FGD6: variants seen among roughly 807,000 people sequenced by gnomAD.
FGD6 encodes the protein FYVE, RhoGEF and PH domain containing 6, also known as FYVE, RhoGEF and PH domain-containing protein 6.
In FGD6, 90 loss-of-function variants were observed where a neutral mutation model predicts 149.4. The observed-to-expected ratio is 0.60, with a 90% CI of 0.51 to 0.72. FGD6 has a LOEUF of 0.72. FGD6 is among the 30% of genes least tolerant of loss of function. The probability of loss-of-function intolerance (pLI) is 0.00; values close to 1 mark genes in which losing one functional copy is unlikely to be tolerated. For missense variants in FGD6, 1,437 were observed against 1,684.8 expected (o/e 0.85, Z 2.57); for synonymous variants, 527 against 584.0 (o/e 0.90, Z 1.41).
At chr12:95,120,942 A>G (rs1879168311) in intron 8 of FGD6, among the ~76,000 whole-genome samples, 1 of 151,960 alleles carries the variant, frequency 6.6e-6, no homozygotes, top group Admixed American at 6.6e-5. Context: ...CTAAGTTATT[A>G]TATTTGTTCA....
chr12:95,154,191 A>G (rs1311686621), intron 3 of FGD6, among the ~76,000 whole-genome samples: 1 of 152,044 alleles, frequency 6.6e-6, no homozygotes, highest in Non-Finnish European at 1.5e-5. Flanking sequence ...CGATCTCCTG[A>G]CCTTGTGATC....
intron 2 of FGD6, among the ~76,000 whole-genome samples, chr12:95,194,081 G>T (rs989746596): frequency 2.6e-5 from 4 of 151,792 alleles, no homozygotes; most frequent in Admixed American, 6.6e-5. Context: ...CTACGGGCAT[G>T]TACCATCACG....
At chr12:95,113,913 A>G (rs1263470467) in intron 8 of FGD6, among the ~76,000 whole-genome samples, 1 of 152,196 alleles carries the variant, frequency 6.6e-6, no homozygotes, top group Non-Finnish European at 1.5e-5. Flanking sequence ...TGGAGGAAAC[A>G]TTGGTTATTT....
chr12:95,206,079 A>G (rs977162948), intron 2 of FGD6, among the ~76,000 whole-genome samples: 1 of 152,194 alleles, frequency 6.6e-6, no homozygotes, highest in Non-Finnish European at 1.5e-5. Context: ...ACTAAGCAGC[A>G]TAACAGATAA....
chr12:95,210,790 T>G lies in FGD6; in HGVS notation c.494A>C (p.Lys165Thr), dbSNP rs1427278220. Reference protein sequence around the residue: ...TRSKCDLYGEKAKNQGGVVLK... With the variant: ...TRSKCDLYGETAKNQGGVVLK... The stretch of plus-strand genomic sequence containing the variant: ...AACAACCCCACCCTGGTTCTTGGCT[T>G]TTTCACCATACAAATCACATTTACT... Residue 165 changes from lysine to threonine, a missense_variant, in exon 2 of 21, where the codon AAA becomes ACA. Coordinates refer to ENST00000343958, the MANE Select transcript of FGD6 (RefSeq NM_018351.4). The G allele has an allele frequency of 6.2e-7, 1 of 1,613,980 alleles. No individual in the cohort carries two copies. The highest frequency in any genetic ancestry group is 8.5e-7 in the Non-Finnish European group (1 of 1,180,024).
chr12:95,110,266 A>G lies in FGD6; in HGVS notation c.3134-1705T>C, dbSNP rs577642828. Among the ~76,000 whole-genome samples the G allele has an allele frequency of 1.0e-4, 15 of 150,110 alleles. No homozygotes were observed. In the South Asian group the frequency reaches 1.5e-3, roughly 15 times the overall value. On this transcript the variant is annotated intron_variant, in intron 9 of 20. Coordinates refer to ENST00000343958, the MANE Select transcript of FGD6 (RefSeq NM_018351.4). ...GCTGGGATTACAGGTGTGAGCCACC[A>G]CACCCGGCCTGTATTCTTTCCACAT...
intron 3 of FGD6, among the ~76,000 whole-genome samples, chr12:95,165,566 G>A (rs1037622445): frequency 1.5e-4 from 23 of 151,478 alleles, no homozygotes; most frequent in Admixed American, 7.3e-4. Context: ...TCGAACTCCC[G>A]ACCTCAGGTG....
chr12:95,154,676 G>A (rs1880418166), intron 3 of FGD6, among the ~76,000 whole-genome samples: 1 of 152,154 alleles, frequency 6.6e-6, no homozygotes, highest in South Asian at 2.1e-4. Context: ...ATTCTCGTAG[G>A]CACTGGCAAC....
chr12:95,147,210 T>C (rs1478361917), intron 5 of FGD6, among the ~76,000 whole-genome samples: 1 of 152,126 alleles, frequency 6.6e-6, no homozygotes, highest in Non-Finnish European at 1.5e-5. Flanking sequence ...CAGAAATGAG[T>C]GTGAAACTAT....
chr12:95,210,775 C>T lies in FGD6; in HGVS notation c.509G>A (p.Gly170Asp), dbSNP rs2056722143. ...AACGCTTGCCTTTAAAACAACCCCA[C>T]CCTGGTTCTTGGCTTTTTCACCATA... ...DLYGEKAKNQGGVVLKASVLE... is the reference protein window; with the variant it reads ...DLYGEKAKNQDGVVLKASVLE... The change falls in exon 2 of 21, where the codon GGT becomes GAT. Residue 170 changes from glycine (G) to aspartate (D), a missense_variant. Physicochemically the swap from Gly to Asp is moderately conservative, Grantham distance 94 (BLOSUM62 -1). Around this residue, in one of 2 missense-constraint regions of FGD6, gnomAD observed 1,055 missense variants for 1,146.0 expected, o/e 0.92. Transcript: ENST00000343958. 2 of 1,613,990 alleles carry T rather than the reference C, an allele frequency of 1.2e-6. No individual in the cohort carries two copies. Among genetic ancestry groups the T allele is most frequent in the African/African-American group, 2.7e-5 (2 of 74,904 alleles).
intron 8 of FGD6, among the ~76,000 whole-genome samples, chr12:95,116,185 A>G (rs998545525): frequency 5.3e-5 from 8 of 152,226 alleles, no homozygotes; most frequent in African/African-American, 1.9e-4. Flanking sequence ...CATTCAATAT[A>G]TTACATAATC....
intron 14 of FGD6, among the ~76,000 whole-genome samples, chr12:95,098,070 C>T (rs1025706677): frequency 7.9e-5 from 12 of 152,122 alleles, no homozygotes; most frequent in Non-Finnish European, 1.3e-4. Flanking sequence ...TCTCTGGCCC[C>T]TACTTCCCTC....
chr12:95,117,674 AC>A (rs1366291403), intron 8 of FGD6, among the ~76,000 whole-genome samples: 1 of 151,980 alleles, frequency 6.6e-6, no homozygotes, highest in Non-Finnish European at 1.5e-5. Context: ...TGATTCTCTC[AC>A]CCTGGCCTCC....
At chr12:95,122,737 T>C (rs1173198711) in intron 8 of FGD6, among the ~76,000 whole-genome samples, 1 of 151,170 alleles carries the variant, frequency 6.6e-6, no homozygotes, top group Non-Finnish European at 1.5e-5. Flanking sequence ...CTTGAATCTG[T>C]ATGTGGCCTA....
chr12:95,204,357 T>C (rs1233409808), intron 2 of FGD6, among the ~76,000 whole-genome samples: 1 of 152,144 alleles, frequency 6.6e-6, no homozygotes, highest in African/African-American at 2.4e-5. Context: ...CTACTCACTC[T>C]GCCAGGCATC....
Position 95,081,383 on chromosome 12 carries a change from A to G in FGD6, c.*137T>C. 2 of 577,554 alleles carry G rather than the reference A, an allele frequency of 3.5e-6. No individual in the cohort carries two copies. The highest frequency in any genetic ancestry group is 3.9e-5 in the African/African-American group (2 of 51,792). The allele number at this position is 577,554 out of a possible 1,614,324, so 35.8% of individuals were successfully genotyped here. On this transcript the variant is annotated 3_prime_UTR_variant, in exon 21 of 21. Transcript: ENST00000343958. ...TTTTAAAAATTGCTTATACCTAACA[A>G]AACAATTTCTTTGATGAAGGGTCTG...
At chr12:95,151,095 T>C (rs1880297399) in intron 5 of FGD6, among the ~76,000 whole-genome samples, 1 of 150,936 alleles carries the variant, frequency 6.6e-6, no homozygotes, top group Non-Finnish European at 1.5e-5. Flanking sequence ...ACTGAGTCAT[T>C]AAAAAAAAGG....
chr12:95,129,350 T>C (rs558025514), intron 8 of FGD6, among the ~76,000 whole-genome samples: 21 of 148,218 alleles, frequency 1.4e-4, no homozygotes, highest in South Asian at 6.3e-4. Flanking sequence ...CATCCATCCA[T>C]CCATCCATCC....
intron 8 of FGD6, chr12:95,126,015 T>C (rs1879328980): frequency 3.0e-6 from 4 of 1,350,774 alleles, no homozygotes; most frequent in East Asian, 4.6e-5. Context: ...CAATACAAAA[T>C]GGGCAGCCAC....
Sources: gnomAD v4.1 joint callset for allele counts (sites outside exome capture counted in the v4.1 genomes callset) on GRCh38, gnomAD v4.1.1 for gene constraint, gnomAD v4.1.1 regional missense constraint, MANE v1.5 for transcripts, NCBI Gene and HGNC (gene_info 2026-07-23, HGNC 2026-07-21) for gene names.